The following DCUN1D3 variants were observed in gnomAD, a reference collection of about 807,000 sequenced individuals.
DCUN1D3 encodes defective in cullin neddylation 1 domain containing 3, also known as DCN1-like protein 3.
A neutral mutation model predicts 24.8 loss-of-function variants in DCUN1D3; 6 were observed. The observed-to-expected ratio is 0.24, with a 90% CI of 0.13 to 0.48. The LOEUF is 0.48. DCUN1D3 is among the 20% of genes least tolerant of loss of function. DCUN1D3 has a pLI of 0.99. For synonymous variants in DCUN1D3, 120 were observed against 144.9 expected, an observed-to-expected ratio of 0.83 and a Z score of 1.24; for missense variants, 258 against 379.4, an observed-to-expected ratio of 0.68 and a Z score of 2.66.
intron 1 of DCUN1D3, among the ~76,000 whole-genome samples, chr16:20,874,325 A>G (rs926983108): frequency 7.9e-5 from 12 of 152,250 alleles, no homozygotes; most frequent in Non-Finnish European, 5.9e-5. Context: ...GTAGGATGCT[A>G]TTTAAAAGAT....
At chr16:20,882,803 T>C (rs199973059) in intron 1 of DCUN1D3, among the ~76,000 whole-genome samples, 3 of 152,214 alleles carry the variant, frequency 2.0e-5, no homozygotes, top group Non-Finnish European at 2.9e-5. Flanking sequence ...AATACAACCA[T>C]GAAAGCATTA....
chr16:20,860,232 C>A lies in DCUN1D3; in HGVS notation c.569G>T (p.Gly190Val). The A allele has an allele frequency of 6.2e-7, 1 of 1,614,198 alleles. No homozygotes were observed. The highest frequency in any genetic ancestry group is 8.5e-7 in the Non-Finnish European group (1 of 1,180,042). The change falls in exon 3 of 3, where the codon GGC (glycine) becomes GTC (valine). Residue 190 changes from glycine to valine, a missense_variant. Coordinates refer to ENST00000324344, the MANE Select transcript of DCUN1D3 (RefSeq NM_173475.4). This position sits in a 1 kb window ranked among gnomAD's most constrained non-coding sequence, Gnocchi z 4.3. ...CCGCTGCCCTTCTTCAGAGTCCAGGCCAAACTGAAATGTAAACCGGTAGAG... is the reference window on the plus strand; with the variant it reads ...CCGCTGCCCTTCTTCAGAGTCCAGGACAAACTGAAATGTAAACCGGTAGAG... ...KDLYRFTFQF[G>V]LDSEEGQRSL...
chr16:20,873,263 T>G (rs1446851195), intron 1 of DCUN1D3, among the ~76,000 whole-genome samples: 1 of 152,132 alleles, frequency 6.6e-6, no homozygotes, highest in Non-Finnish European at 1.5e-5. Flanking sequence ...ATATCTAAAT[T>G]TCCTCAATTT....
At chr16:20,898,078 C>G (rs1405981109) in intron 1 of DCUN1D3, among the ~76,000 whole-genome samples, 1 of 152,210 alleles carries the variant, frequency 6.6e-6, no homozygotes, top group African/African-American at 2.4e-5. Flanking sequence ...CCTCTTTCCA[C>G]TACCTCCCAC....
intron 1 of DCUN1D3, among the ~76,000 whole-genome samples, chr16:20,874,410 C>A (rs1340803781): frequency 6.6e-6 from 1 of 152,182 alleles, no homozygotes; most frequent in Non-Finnish European, 1.5e-5. Context: ...AGTAGATATG[C>A]CACAGAATAC....
intron 1 of DCUN1D3, among the ~76,000 whole-genome samples, chr16:20,875,979 T>A (rs190010356): frequency 6.6e-6 from 1 of 152,282 alleles, no homozygotes; most frequent in East Asian, 1.9e-4. Flanking sequence ...TTATTTATTT[T>A]TTTTGAGACA....
intron 1 of DCUN1D3, among the ~76,000 whole-genome samples, chr16:20,873,262 T>C (rs2081798454): frequency 6.6e-6 from 1 of 152,172 alleles, no homozygotes; most frequent in Admixed American, 6.5e-5. Context: ...TATATCTAAA[T>C]TTCCTCAATT....
In DCUN1D3 at chr16:20,855,236, A is replaced by T. The variant is rs182611376; in HGVS notation, c.*4650T>A. 6.6e-6 allele frequency: 1 copy of T among 152,230 alleles called. No homozygotes were observed. The highest frequency in any genetic ancestry group is 1.9e-4 in the East Asian group (1 of 5,202). 9.4% of individuals were successfully genotyped at this position (152,230 alleles called of 1,614,324 possible). ...CAGGGTATATCTGTGGGACCAATTCATCCAAGCCCCATGTGCCTATTGCTT... is the reference window on the plus strand; with the variant it reads ...CAGGGTATATCTGTGGGACCAATTCTTCCAAGCCCCATGTGCCTATTGCTT... On this transcript the variant is annotated 3_prime_UTR_variant, in exon 3 of 3. Transcript: ENST00000324344.
chr16:20,882,530 G>C (rs2081849668), intron 1 of DCUN1D3, among the ~76,000 whole-genome samples: 1 of 151,654 alleles, frequency 6.6e-6, no homozygotes, highest in Non-Finnish European at 1.5e-5. Flanking sequence ...CTCCCAAAGT[G>C]CTGGGATTAT....
intron 1 of DCUN1D3, among the ~76,000 whole-genome samples, chr16:20,866,774 C>T (rs930022676): frequency 1.3e-5 from 2 of 152,180 alleles, no homozygotes; most frequent in African/African-American, 2.4e-5. Context: ...AGTGTTGAGG[C>T]GAGTGGTGGT....
intron 1 of DCUN1D3, among the ~76,000 whole-genome samples, chr16:20,879,359 T>C (rs2081831541): frequency 6.6e-6 from 1 of 152,206 alleles, no homozygotes; most frequent in African/African-American, 2.4e-5. Flanking sequence ...CTTGTGTTTG[T>C]TTCAGCAGTG....
At chr16:20,863,179 A>C (rs2081742479) in intron 1 of DCUN1D3, among the ~76,000 whole-genome samples, 1 of 152,180 alleles carries the variant, frequency 6.6e-6, no homozygotes, top group African/African-American at 2.4e-5. Flanking sequence ...CAAGCAGCAA[A>C]ATGAAATTTG....
At chr16:20,874,011 G>A (rs1214107795) in intron 1 of DCUN1D3, among the ~76,000 whole-genome samples, 1 of 152,212 alleles carries the variant, frequency 6.6e-6, no homozygotes, top group African/African-American at 2.4e-5. Flanking sequence ...CTAGAGTCAA[G>A]ATCAAAGCCT....
intron 1 of DCUN1D3, 31 bp from the exon 2 acceptor site, chr16:20,862,674 G>A (rs2081739792): frequency 6.7e-7 from 1 of 1,503,752 alleles, no homozygotes. Flanking sequence ...CATCACCTCT[G>A]GGTGGGGGAA....
At chr16:20,862,045 C>T (rs770172236) in intron 2 of DCUN1D3, 63 bp downstream of exon 2, 29 of 1,553,486 alleles carry the variant, frequency 1.9e-5, no homozygotes, top group Admixed American at 5.1e-5. Context: ...CTGGGCACCA[C>T]TGCCCAATGC....
intron 1 of DCUN1D3, among the ~76,000 whole-genome samples, chr16:20,879,178 G>A (rs745769653): frequency 6.6e-6 from 1 of 152,138 alleles, no homozygotes; most frequent in Non-Finnish European, 1.5e-5. Context: ...ACAATATATT[G>A]AAAATTACAA....
chr16:20,868,284 G>C (rs2081772028), intron 1 of DCUN1D3, among the ~76,000 whole-genome samples: 1 of 152,206 alleles, frequency 6.6e-6, no homozygotes, highest in Non-Finnish European at 1.5e-5. Context: ...AATACATTAA[G>C]AAAGCTATAT....
At chr16:20,876,330 T>C (rs1435770591) in intron 1 of DCUN1D3, among the ~76,000 whole-genome samples, 4 of 150,478 alleles carry the variant, frequency 2.7e-5, no homozygotes, top group Non-Finnish European at 5.9e-5. Flanking sequence ...GACATGAAAA[T>C]AGCCAGCAGG....
chr16:20,886,833 A>C (rs1238928625), intron 1 of DCUN1D3, among the ~76,000 whole-genome samples: 1 of 152,216 alleles, frequency 6.6e-6, no homozygotes, highest in Non-Finnish European at 1.5e-5. Flanking sequence ...TCATCTAAAC[A>C]CTTATTCTAT....
Sources: gnomAD v4.1 joint callset for allele counts (sites outside exome capture counted in the v4.1 genomes callset) on GRCh38, gnomAD v4.1.1 for gene constraint, Gnocchi (gnomAD v3.1) non-coding constraint, MANE v1.5 for transcripts, NCBI Gene and HGNC (gene_info 2026-07-23, HGNC 2026-07-21) for gene names.